Variants in AKT3 observed in about 807,000 individuals in gnomAD.
The protein encoded by AKT3 is RAC-gamma serine/threonine-protein kinase.
Under a neutral mutation model 65.3 loss-of-function variants are expected in AKT3, and 15 were observed. The ratio of observed to expected loss-of-function variants is 0.23; its 90% CI spans 0.15 to 0.35. The LOEUF is 0.35. Among genes scored for constraint, AKT3 ranks in the 10% least tolerant of loss-of-function variants. The pLI, the probability that AKT3 is intolerant of heterozygous loss-of-function variation, is 1.00. For missense variants in AKT3, 243 were observed against 576.5 expected (o/e 0.42, Z 5.92); for synonymous variants, 206 against 183.8 (o/e 1.12, Z -0.98).
At chr1:243,690,260 C>T (rs906285292) in intron 3 of AKT3, among the ~76,000 whole-genome samples, 2 of 152,102 alleles carry the variant, frequency 1.3e-5, no homozygotes, top group Admixed American at 6.6e-5. Flanking sequence ...ACTACTCCCA[C>T]TCTGGAACTG....
downstream of AKT3, among the ~76,000 whole-genome samples, chr1:243,495,853 T>C (rs76578705): frequency 0.014 from 2,158 of 152,258 alleles, 58 homozygotes; most frequent in African/African-American, 0.048. Context: ...TCCGTAGATA[T>C]CAAACTGGCT....
chr1:243,506,823 C>T (rs1356079509), intron 13 of AKT3, among the ~76,000 whole-genome samples: 1 of 152,156 alleles, frequency 6.6e-6, no homozygotes, highest in Admixed American at 6.5e-5. Context: ...GAAATCTCTA[C>T]CTCCTTATAA....
intron 2 of AKT3, among the ~76,000 whole-genome samples, chr1:243,838,076 G>A (rs187969345): frequency 2.0e-5 from 3 of 152,252 alleles, no homozygotes; most frequent in African/African-American, 7.2e-5. Context: ...GAAGGAGCAA[G>A]TGTGTGTGTA....
intron 8 of AKT3, among the ~76,000 whole-genome samples, chr1:243,611,800 A>T (rs1052491550): frequency 3.3e-5 from 5 of 152,136 alleles, no homozygotes; most frequent in Non-Finnish European, 5.9e-5. Context: ...TTATTTAATT[A>T]TCTTGTCCTA....
chr1:243,572,807 A>G (rs1386267561), intron 9 of AKT3, 119 bp downstream of exon 9: 1 of 1,103,296 alleles, frequency 9.1e-7, no homozygotes, highest in Non-Finnish European at 1.2e-6. Flanking sequence ...TTTTAAACAT[A>G]GTGCTTTTTT....
intron 3 of AKT3, among the ~76,000 whole-genome samples, chr1:243,675,859 T>A (rs1683474286): frequency 6.6e-6 from 1 of 152,160 alleles, no homozygotes; most frequent in South Asian, 2.1e-4. Context: ...AAGTAGAGGC[T>A]CAGACCTTTA....
intron 2 of AKT3, among the ~76,000 whole-genome samples, chr1:243,796,198 C>G (rs1406658818): frequency 6.6e-6 from 1 of 152,216 alleles, no homozygotes; most frequent in Non-Finnish European, 1.5e-5. Flanking sequence ...TAACCTCTCC[C>G]AGTCTCTGAT....
At chr1:243,835,500 A>G (rs1038979496) in intron 2 of AKT3, among the ~76,000 whole-genome samples, 1 of 152,348 alleles carries the variant, frequency 6.6e-6, no homozygotes, top group African/African-American at 2.4e-5. Flanking sequence ...TACCTAAAAA[A>G]GCAATGCAAG....
At chr1:243,731,583 C>A (rs981926135) in intron 2 of AKT3, among the ~76,000 whole-genome samples, 2 of 152,088 alleles carry the variant, frequency 1.3e-5, no homozygotes, top group Admixed American at 1.3e-4. Flanking sequence ...TTTTTTAAAC[C>A]CTCTTTATCC....
At chr1:243,645,710 A>G (rs1408059452) in intron 5 of AKT3, among the ~76,000 whole-genome samples, 183 bp downstream of exon 5, 1 of 152,236 alleles carries the variant, frequency 6.6e-6, no homozygotes, top group East Asian at 1.9e-4. Flanking sequence ...TGGATCACTG[A>G]AACAATGTTC....
intron 2 of AKT3, among the ~76,000 whole-genome samples, chr1:243,807,635 G>A (rs968797260): frequency 2.6e-5 from 4 of 152,334 alleles, no homozygotes; most frequent in Non-Finnish European, 4.4e-5. Context: ...AAAGGCAGCA[G>A]AGACCTCTGC....
chr1:243,606,014 G>A (rs1677384121), intron 8 of AKT3, among the ~76,000 whole-genome samples: 1 of 152,124 alleles, frequency 6.6e-6, no homozygotes, highest in Admixed American at 6.5e-5. Context: ...GCTCCTATGT[G>A]AAGAAGGACA....
chr1:243,739,838 C>T (rs1370833193), intron 2 of AKT3, among the ~76,000 whole-genome samples: 2 of 152,182 alleles, frequency 1.3e-5, no homozygotes, highest in Admixed American at 1.3e-4. Flanking sequence ...GAACTTTGTC[C>T]CCTTTGGCAT....
At chr1:243,747,174 A>C (rs1257506366) in intron 2 of AKT3, among the ~76,000 whole-genome samples, 3 of 151,760 alleles carry the variant, frequency 2.0e-5, no homozygotes, top group African/African-American at 7.3e-5. Context: ...CTATTATCTA[A>C]ATAAACTTAC....
chr1:243,769,786 T>C (rs930351006), intron 2 of AKT3, among the ~76,000 whole-genome samples: 1 of 152,222 alleles, frequency 6.6e-6, no homozygotes, highest in Non-Finnish European at 1.5e-5. Flanking sequence ...TCTCACTTTC[T>C]TGACAGCGGC....
chr1:243,794,991 A>G (rs10927076), intron 2 of AKT3, among the ~76,000 whole-genome samples: 27,557 of 152,048 alleles, frequency 0.18, 2,693 homozygotes, highest in East Asian at 0.31. Flanking sequence ...CTGCTTTTAT[A>G]TGTGTTCACT....
intron 11 of AKT3, among the ~76,000 whole-genome samples, chr1:243,549,156 A>G (rs1672875733): frequency 1.3e-5 from 2 of 152,076 alleles, no homozygotes; most frequent in Admixed American, 1.3e-4. Context: ...TCTTTTAAGC[A>G]TTCATTCTAT....
At chr1:243,601,151 T>A (rs573565050) in intron 8 of AKT3, among the ~76,000 whole-genome samples, 1 of 152,120 alleles carries the variant, frequency 6.6e-6, no homozygotes, top group Non-Finnish European at 1.5e-5. Context: ...TTTCCCATTA[T>A]GAAATGAAAA....
At chr1:243,623,033 G>A (rs10927045) in intron 6 of AKT3, among the ~76,000 whole-genome samples, 22 of 152,202 alleles carry the variant, frequency 1.4e-4, no homozygotes, top group African/African-American at 5.3e-4. Context: ...AACTGGCGCC[G>A]TTGGCCAACT....
Sources: gnomAD v4.1 joint callset for allele counts (sites outside exome capture counted in the v4.1 genomes callset) on GRCh38, gnomAD v4.1.1 for gene constraint, MANE v1.5 for transcripts, NCBI Gene and HGNC (gene_info 2026-07-23, HGNC 2026-07-21) for gene names.